The following PCDH15 variants were observed in gnomAD, a reference collection of about 807,000 sequenced individuals.
The protein encoded by PCDH15 is protocadherin-15.
A neutral mutation model predicts 178.5 loss-of-function variants in PCDH15; 129 were observed. The ratio of observed to expected loss-of-function variants is 0.72; its 90% CI spans 0.63 to 0.84. The LOEUF (loss-of-function observed/expected upper bound fraction) is 0.84. Among genes scored for constraint, PCDH15 ranks in the 40% least tolerant of loss-of-function variants. PCDH15 has a pLI of 0.00. For synonymous variants in PCDH15, 800 were observed against 732.0 expected, an observed-to-expected ratio of 1.09 and a Z score of -1.50; for missense variants, 2,230 against 2,099.9, an observed-to-expected ratio of 1.06 and a Z score of -1.21.
At chr10:55,174,775 AT>A (rs1839432000) in intron 1 of PCDH15, among the ~76,000 whole-genome samples, 1 of 152,088 alleles carries the variant, frequency 6.6e-6, no homozygotes, top group Non-Finnish European at 1.5e-5. Flanking sequence ...AGAAATCCTC[AT>A]TTTAAGTGGG....
intron 13 of PCDH15, among the ~76,000 whole-genome samples, chr10:54,164,993 C>A (rs1705484004): frequency 6.6e-6 from 1 of 152,176 alleles, no homozygotes; most frequent in Non-Finnish European, 1.5e-5. Flanking sequence ...ACTGGAAATT[C>A]ACTATTCAGT....
At chr10:54,392,319 T>C (rs7084157) in intron 3 of PCDH15, among the ~76,000 whole-genome samples, 129,157 of 150,920 alleles carry the variant, frequency 0.86, 55,484 homozygotes, top group East Asian at 0.99. Flanking sequence ...CAAAAAAATT[T>C]GGTAGGCATG....
chr10:54,105,204 T>C (rs927846013), intron 15 of PCDH15, among the ~76,000 whole-genome samples: 2 of 149,562 alleles, frequency 1.3e-5, no homozygotes, highest in Non-Finnish European at 3.0e-5. Context: ...CACCAAAATC[T>C]GTATTAGTCA....
intron 3 of PCDH15, among the ~76,000 whole-genome samples, chr10:54,807,858 A>G (rs1232012617): frequency 6.6e-6 from 1 of 151,528 alleles, no homozygotes; most frequent in Non-Finnish European, 1.5e-5. Flanking sequence ...TAAATTATAG[A>G]ATGAGTATAG....
chr10:55,513,975 G>A (rs1015433262), intron 2 of PCDH15, among the ~76,000 whole-genome samples: 4 of 151,940 alleles, frequency 2.6e-5, no homozygotes, highest in Admixed American at 1.3e-4. Flanking sequence ...TACTCAACGA[G>A]TAGACTAGAG....
chr10:54,056,201 G>A (rs748657046), intron 18 of PCDH15, among the ~76,000 whole-genome samples: 15 of 152,076 alleles, frequency 9.9e-5, no homozygotes, highest in Non-Finnish European at 1.9e-4. Context: ...GGAATTTGGG[G>A]TGTCCATCAC....
chr10:54,975,161 C>A (rs1452682938), intron 2 of PCDH15, among the ~76,000 whole-genome samples: 3 of 152,088 alleles, frequency 2.0e-5, no homozygotes, highest in Non-Finnish European at 4.4e-5. Context: ...TATTTGCTTT[C>A]TGTTATCCCA....
chr10:54,716,845 C>T (rs866289495), intron 1 of PCDH15, among the ~76,000 whole-genome samples: 23 of 148,910 alleles, frequency 1.5e-4, no homozygotes, highest in African/African-American at 5.8e-4. Context: ...CATCACGCTA[C>T]CTGACTTCAA....
At chr10:54,691,041 G>A (rs552641651) in intron 1 of PCDH15, among the ~76,000 whole-genome samples, 10 of 152,078 alleles carry the variant, frequency 6.6e-5, no homozygotes, top group South Asian at 6.2e-4. Context: ...ATGACAGTAC[G>A]TAGCAGAACA....
Position 54,102,999 on chromosome 10 carries a change from C to T in PCDH15, c.1918-12936G>A, listed in dbSNP as rs565813300. ...GTGCACAGTGACCTTGGTAAAAGGC[C>T]CGAGGCCTCCTTGGAGAAGGATGGA... is the stretch of plus-strand genomic sequence containing the variant. On this transcript the variant is annotated intron_variant, in intron 15 of 37. Transcript: ENST00000644397. Among the ~76,000 whole-genome samples, 163 of 152,184 alleles carry T rather than the reference C, an allele frequency of 1.1e-3. 1 individual carries two copies. Among genetic ancestry groups the T allele is most frequent in the African/African-American group, 3.7e-3 (153 of 41,510 alleles).
chr10:53,940,255 G>T (rs2085935381), intron 24 of PCDH15, among the ~76,000 whole-genome samples: 1 of 152,106 alleles, frequency 6.6e-6, no homozygotes, highest in Non-Finnish European at 1.5e-5. Flanking sequence ...TAATGCGAAA[G>T]ATTGAGCTAT....
At chr10:54,926,910 T>G (rs1294307161) in intron 2 of PCDH15, among the ~76,000 whole-genome samples, 1 of 152,076 alleles carries the variant, frequency 6.6e-6, no homozygotes, top group African/African-American at 2.4e-5. Context: ...CTCCTGGATT[T>G]GTTGAGATTT....
chr10:54,858,699 A>G (rs1953784401), intron 3 of PCDH15, among the ~76,000 whole-genome samples: 1 of 151,870 alleles, frequency 6.6e-6, no homozygotes, highest in Admixed American at 6.6e-5. Context: ...TATTTAAGTA[A>G]TAATAATTTT....
At chr10:54,842,642 C>G (rs552153016) in intron 3 of PCDH15, among the ~76,000 whole-genome samples, 146 of 151,990 alleles carry the variant, frequency 9.6e-4, no homozygotes, top group African/African-American at 3.4e-3. Flanking sequence ...TATTTGTGGA[C>G]TTTGTAGTTA....
chr10:54,567,201 T>A (rs2089170153), intron 2 of PCDH15, among the ~76,000 whole-genome samples: 1 of 152,194 alleles, frequency 6.6e-6, no homozygotes, highest in Admixed American at 6.5e-5. Context: ...TATTGTTAAC[T>A]TTTAACAGAT....
intron 23 of PCDH15, among the ~76,000 whole-genome samples, chr10:53,942,646 G>T (rs527963548): frequency 1.3e-5 from 2 of 152,132 alleles, no homozygotes; most frequent in Non-Finnish European, 2.9e-5. Flanking sequence ...GCAAGGAATC[G>T]AGGCCCTTAG....
intron 8 of PCDH15, among the ~76,000 whole-genome samples, chr10:54,266,642 T>A (rs941629756): frequency 6.6e-6 from 1 of 151,676 alleles, no homozygotes; most frequent in African/African-American, 2.4e-5. Flanking sequence ...CCATAGAGAT[T>A]CAAAAGATTC....
rs201175863 is a variant in PCDH15 at position 54,089,993 on chromosome 10, A to G, written c.1988T>C (p.Leu663Pro). 2 of 1,609,102 alleles carry G rather than the reference A, an allele frequency of 1.2e-6. No individual in the cohort carries two copies. The highest frequency in any genetic ancestry group is 2.7e-5 in the African/African-American group (2 of 74,830). ...ENGDPQRVFN[L>P]SETTGILTLG... ...ATCATTTTTAACTTACGTTTCTGAA[A>G]GATTAAAAACTCTCTGAGGATCTCC... The change falls in exon 16 of 38, where the codon CTT becomes CCT. Residue 663 changes from leucine (L) to proline (P), a missense_variant. Leu to Pro is a moderately conservative substitution (Grantham distance 98, BLOSUM62 -3). Transcript: ENST00000644397.
chr10:53,871,232 T>G (rs1440807643), intron 26 of PCDH15, among the ~76,000 whole-genome samples: 1 of 150,736 alleles, frequency 6.6e-6, no homozygotes, highest in East Asian at 1.9e-4. Context: ...TCCCAGCTAC[T>G]CGGGAGGCTA....
Sources: gnomAD v4.1 joint callset for allele counts (sites outside exome capture counted in the v4.1 genomes callset) on GRCh38, gnomAD v4.1.1 for gene constraint, MANE v1.5 for transcripts, NCBI Gene and HGNC (gene_info 2026-07-23, HGNC 2026-07-21) for gene names.